PHPT1: variants seen among roughly 807,000 people sequenced by gnomAD.
The protein encoded by PHPT1 is phosphohistidine phosphatase 1, also known as 14 kDa phosphohistidine phosphatase.
PHPT1 carries 16 observed loss-of-function variants against 15.6 expected under a neutral mutation model. The observed-to-expected ratio is 1.03, with a 90% CI of 0.70 to 1.56. The LOEUF (loss-of-function observed/expected upper bound fraction) is 1.56. Ranked by LOEUF, PHPT1 falls within the 40% of genes most tolerant of loss-of-function variation. The pLI is 0.00. For missense variants in PHPT1, 228 were observed against 171.0 expected, an observed-to-expected ratio of 1.33 and a Z score of -1.86; for synonymous variants, 102 against 68.1, an observed-to-expected ratio of 1.50 and a Z score of -2.45.
chr9:136,850,246 G>A (rs1230171179), intron 2 of PHPT1, 109 bp downstream of exon 2: 1 of 1,469,648 alleles, frequency 6.8e-7, no homozygotes, highest in South Asian at 1.2e-5. Context: ...CAGGCTTCCT[G>A]GGGTTCTCCC....
At chr9:136,850,601 C>T in intron 2 of PHPT1, 154 bp from the exon 3 acceptor site, 1 of 1,593,820 alleles carries the variant, frequency 6.3e-7, no homozygotes, top group Non-Finnish European at 8.6e-7. Flanking sequence ...CAGGGGAGCC[C>T]CCAAGGGCGG....
Position 136,850,806 on chromosome 9 carries a change from T to G in PHPT1, c.337T>G (p.Tyr113Asp). The change falls in exon 3 of 3, where the codon TAC becomes GAC. Residue 113 changes from tyrosine to aspartate, a missense_variant. Transcript: ENST00000247665. ...AISTEKIKAK[Y>D]PDYEVTWAND... ...TTCAACTGAGAAAATCAAAGCCAAG[T>G]ACCCCGACTACGAGGTCACCTGGGC... 6.2e-7 allele frequency: 1 copy of G among 1,613,176 alleles called. No homozygotes were observed. Among genetic ancestry groups the G allele is most frequent in the Non-Finnish European group, 8.5e-7 (1 of 1,179,924 alleles).
rs1403232375 is a variant in PHPT1 at position 136,850,867 on chromosome 9, T to C, written c.*20T>C. The C allele has an allele frequency of 6.3e-7, 1 of 1,586,182 alleles. No individual in the cohort carries two copies. Among genetic ancestry groups the C allele is most frequent in the Admixed American group, 1.7e-5 (1 of 59,992 alleles). The stretch of plus-strand genomic sequence containing the variant: ...TACTGAGCACTCCCAGCCCGGGGCC[T>C]GCTGCCTCCAGCAGCCACTTCAGAG... On this transcript the variant is annotated 3_prime_UTR_variant, in exon 3 of 3. Coordinates refer to ENST00000247665, the MANE Select transcript of PHPT1 (RefSeq NM_014172.6).
chr9:136,850,995 T>C lies in PHPT1; in HGVS notation c.*148T>C. 2 of 771,002 alleles carry C rather than the reference T, an allele frequency of 2.6e-6. No individual in the cohort carries two copies. The highest frequency in any genetic ancestry group is 1.7e-5 in the Admixed American group (1 of 58,840). The allele number at this position is 771,002 out of a possible 1,614,324, so 47.8% of individuals were successfully genotyped here. A position where few individuals can be genotyped will look rare whatever the true frequency, so the allele number is the denominator to read the frequency against. Reference sequence around the variant, plus strand: ...ACCAGGCCTTGGAGACAGGCTAGCCTGGCCACAGAATTAAACGTGTTGCCA... The same window carrying C: ...ACCAGGCCTTGGAGACAGGCTAGCCCGGCCACAGAATTAAACGTGTTGCCA... On this transcript the variant is annotated 3_prime_UTR_variant, in exon 3 of 3. Transcript: ENST00000247665.
intron 1 of PHPT1, 57 bp downstream of exon 1, chr9:136,849,647 CTGGCGGG>C: frequency 2.1e-6 from 1 of 476,192 alleles, no homozygotes; most frequent in African/African-American, 2.8e-5. Flanking sequence ...GGGGGCGGGG[CTGGCGGG>C]ACGGAGACGG....
chr9:136,850,165 C>G, intron 2 of PHPT1, 28 bp downstream of exon 2: 1 of 1,612,714 alleles, frequency 6.2e-7, no homozygotes, highest in South Asian at 1.1e-5. Flanking sequence ...CCCGCCCTGC[C>G]GGAGGCCCCA....
intron 2 of PHPT1, chr9:136,850,438 C>T (rs1007026670): frequency 7.0e-7 from 1 of 1,429,472 alleles, no homozygotes; most frequent in Non-Finnish European, 9.7e-7. Context: ...CCTGGGCCCC[C>T]AGAGGCAGTC....
In PHPT1 at chr9:136,850,144, C is replaced by G; in HGVS notation, c.285+7C>G. 2.5e-6 allele frequency: 4 copies of G among 1,612,964 alleles called. No homozygotes were observed. The highest frequency in any genetic ancestry group is 1.3e-5 in the African/African-American group (1 of 75,046). ...CGTGTACGGCTATTCCATGGTGAGC[C>G]GCAGCCCCGTCCCGCCCTGCCGGAG... On this transcript the variant is annotated splice_region_variant and intron_variant, in intron 2 of 2. Coordinates refer to ENST00000247665, the MANE Select transcript of PHPT1 (RefSeq NM_014172.6).
In PHPT1 at chr9:136,850,787, TGA is replaced by T. The variant is rs1564382876; in HGVS notation, c.321_322del (p.Lys108AsnfsTer14). 1.2e-6 allele frequency: 2 copies of T among 1,613,236 alleles called. No homozygotes were observed. Among genetic ancestry groups the T allele is most frequent in the Admixed American group, 1.7e-5 (1 of 60,024 alleles). On this transcript the variant is annotated frameshift_variant, in exon 3 of 3. Coordinates refer to ENST00000247665, the MANE Select transcript of PHPT1 (RefSeq NM_014172.6). LOFTEE classifies it high-confidence loss of function. ...YGPAQHAIST[E>X]KIKAKYPDYE... Reference sequence around the variant, plus strand: ...GTCCTGCCCAGCACGCCATTTCAACTGAGAAAATCAAAGCCAAGTACCCCGAC... The same window carrying T: ...GTCCTGCCCAGCACGCCATTTCAACTGAAAATCAAAGCCAAGTACCCCGAC...
rs762333746 is a variant in PHPT1, at chr9:136,850,952, T to C, written c.*105T>C. On this transcript the variant is annotated 3_prime_UTR_variant, in exon 3 of 3. Coordinates refer to ENST00000247665, the MANE Select transcript of PHPT1 (RefSeq NM_014172.6). ...GGCCCTGCCTGCTCCTGCGGCAGCC[T>C]CTGGTGACGTGCTGTCCACCAGGCC... 14 of 861,782 alleles carry C rather than the reference T, an allele frequency of 1.6e-5. No homozygotes were observed. The South Asian group carries it at 1.8e-4, about 11-fold the overall frequency. 53.4% of individuals were successfully genotyped at this position (861,782 alleles called of 1,614,324 possible).
At chr9:136,849,926 G>A in intron 1 of PHPT1, 87 bp from the exon 2 acceptor site, 2 of 1,381,540 alleles carry the variant, frequency 1.4e-6, no homozygotes, top group East Asian at 2.3e-5. Flanking sequence ...GTTCAGAGCT[G>A]GGATTTCAGA....
At chr9:136,849,821 C>G in intron 1 of PHPT1, 192 bp from the exon 2 acceptor site, 1 of 724,576 alleles carries the variant, frequency 1.4e-6, no homozygotes. Flanking sequence ...CCCCAGCAGT[C>G]TCCCAGTTCC....
Position 136,850,429 on chromosome 9 carries a change from C to T in PHPT1, c.285+292C>T, listed in dbSNP as rs1488692386. 4.4e-6 allele frequency: 6 copies of T among 1,357,960 alleles called. No individual in the cohort carries two copies. The East Asian group carries it at 1.2e-4, about 28-fold the overall frequency. 84.1% of individuals were successfully genotyped at this position (1,357,960 alleles called of 1,614,324 possible). A position where few individuals can be genotyped will look rare whatever the true frequency, so the allele number is the denominator to read the frequency against. On this transcript the variant is annotated intron_variant, in intron 2 of 2. Transcript: ENST00000247665. ...TAGCTGTCCTCCAGCACTTTGGGCC[C>T]TGGGCCCCCAGAGGCAGTCAGTACC...
Position 136,849,525 on chromosome 9 carries a change from G to C in PHPT1, c.95G>C (p.Arg32Pro). 1 of 1,611,134 alleles carries C rather than the reference G, an allele frequency of 6.2e-7. No homozygotes were observed. Among genetic ancestry groups the C allele is most frequent in the Non-Finnish European group, 8.5e-7 (1 of 1,179,514 alleles). Residue 32 changes from arginine (R) to proline (P), a missense_variant, in exon 1 of 3, where the codon CGC (arginine) becomes CCC (proline). Coordinates refer to ENST00000247665, the MANE Select transcript of PHPT1 (RefSeq NM_014172.6). ...CTGATCCGAGTCCACTCGGCTCCCCGCTCCGGGGCTCCGGCTGCAGAGAGC... is the reference window on the plus strand; with the variant it reads ...CTGATCCGAGTCCACTCGGCTCCCCCCTCCGGGGCTCCGGCTGCAGAGAGC... The part of the protein sequence containing the change: ...YVLIRVHSAP[R>P]SGAPAAESKE...
In PHPT1 at chr9:136,849,592, T is replaced by C; in HGVS notation, c.160+2T>C. 1 of 1,535,668 alleles carries C rather than the reference T, an allele frequency of 6.5e-7. No homozygotes were observed. The highest frequency in any genetic ancestry group is 8.8e-7 in the Non-Finnish European group (1 of 1,141,420). On this transcript the variant is annotated splice_donor_variant, in intron 1 of 2. Coordinates refer to ENST00000247665, the MANE Select transcript of PHPT1 (RefSeq NM_014172.6). LOFTEE classifies it high-confidence loss of function. ...GCTACAAGTGGGCTGAGTACCATGG[T>C]GAGGGCGGGACCTGCGGGCATGCCA... is the stretch of plus-strand genomic sequence containing the variant.
chr9:136,850,310 C>A (rs1848878789), intron 2 of PHPT1, 173 bp downstream of exon 2: 5 of 890,970 alleles, frequency 5.6e-6, no homozygotes, highest in South Asian at 4.7e-5. Flanking sequence ...TGCATTCCCC[C>A]ATGGAGCACA....
Position 136,849,459 on chromosome 9 carries a change from C to G in PHPT1, c.29C>G (p.Pro10Arg), listed in dbSNP as rs762995256. 6.2e-7 allele frequency: 1 copy of G among 1,610,634 alleles called. No homozygotes were observed. The highest frequency in any genetic ancestry group is 1.3e-5 in the African/African-American group (1 of 74,818). Residue 10 changes from proline (P) to arginine (R), a missense_variant, in exon 1 of 3, where the codon CCT becomes CGT. Physicochemically the swap from Pro to Arg is moderately radical, Grantham distance 103. Transcript: ENST00000247665. MAVADLALI[P>R]DVDIDSDGVF... ...GCGGTGGCGGACCTCGCTCTCATTC[C>G]TGATGTGGACATCGACTCCGACGGC...
intron 1 of PHPT1, 51 bp downstream of exon 1, chr9:136,849,641 G>A (rs376939593): frequency 5.0e-6 from 7 of 1,393,252 alleles, no homozygotes; most frequent in Non-Finnish European, 5.7e-6. Context: ...CGAGGCGGGG[G>A]CGGGGCTGGC....
chr9:136,849,779 G>A (rs1848859326), intron 1 of PHPT1, 189 bp downstream of exon 1: 1 of 728,334 alleles, frequency 1.4e-6, no homozygotes, highest in Non-Finnish European at 2.2e-6. Context: ...TGAGGTCCTG[G>A]GCGGGAAGGG....
Sources: gnomAD v4.1 joint callset for allele counts on GRCh38, gnomAD v4.1.1 for gene constraint, MANE v1.5 for transcripts, NCBI Gene and HGNC (gene_info 2026-07-23, HGNC 2026-07-21) for gene names.